Variants in ARSG observed in about 807,000 individuals in gnomAD.
The protein encoded by ARSG is ASG.
A neutral mutation model predicts 50.5 loss-of-function variants in ARSG; 37 were observed. The observed-to-expected ratio is 0.73, with a 90% CI of 0.56 to 0.96. The LOEUF (loss-of-function observed/expected upper bound fraction) is 0.96, where lower values mean the gene tolerates loss of function less well. Among genes scored for constraint, ARSG ranks in the 50% least tolerant of loss-of-function variants. The pLI, the probability that ARSG is intolerant of heterozygous loss-of-function variation, is 0.00. For missense variants in ARSG, 629 were observed against 675.3 expected, an observed-to-expected ratio of 0.93 and a Z score of 0.76; for synonymous variants, 225 against 254.6, an observed-to-expected ratio of 0.88 and a Z score of 1.11.
intron 2 of ARSG, among the ~76,000 whole-genome samples, chr17:68,311,940 A>G (rs2076874757): frequency 6.6e-6 from 1 of 151,556 alleles, no homozygotes; most frequent in Admixed American, 6.6e-5. Flanking sequence ...AGCTGGGATT[A>G]CAAGCATCTG....
intron 2 of ARSG, among the ~76,000 whole-genome samples, chr17:68,325,750 C>T (rs2077479744): frequency 6.6e-6 from 1 of 152,148 alleles, no homozygotes. Flanking sequence ...TCAAGGAAGC[C>T]CTTACCCTTC....
At chr17:68,342,749 A>AT (rs1351264144) in intron 2 of ARSG, among the ~76,000 whole-genome samples, 1 of 152,200 alleles carries the variant, frequency 6.6e-6, no homozygotes, top group East Asian at 1.9e-4. Flanking sequence ...TCTGGGGGCC[A>AT]TTTTCCACAG....
intron 9 of ARSG, among the ~76,000 whole-genome samples, chr17:68,392,151 C>T (rs1434460577): frequency 6.6e-6 from 1 of 152,248 alleles, no homozygotes; most frequent in African/African-American, 2.4e-5. Context: ...CTACCAGGGC[C>T]TCTTTCTTGG....
rs147768802 is a variant in ARSG, at chr17:68,373,509, G to A, written c.982+2985G>A. Among the ~76,000 whole-genome samples, 393 of 152,022 alleles carry A rather than the reference G, an allele frequency of 2.6e-3. 2 individuals are homozygous for A. Among genetic ancestry groups the A allele is most frequent in the African/African-American group, 9.0e-3 (375 of 41,484 alleles). Reference sequence around the variant, plus strand: ...CTTCCAAAGTGCTGGGATTACAGGCGTGAGCCACCATGCCTGGCCTACTTT... The same window carrying A: ...CTTCCAAAGTGCTGGGATTACAGGCATGAGCCACCATGCCTGGCCTACTTT... On this transcript the variant is annotated intron_variant, in intron 8 of 11. Coordinates refer to ENST00000621439, the MANE Select transcript of ARSG (RefSeq NM_001267727.2).
intron 11 of ARSG, among the ~76,000 whole-genome samples, chr17:68,415,621 T>G (rs1304320048): frequency 1.3e-5 from 2 of 152,212 alleles, no homozygotes; most frequent in African/African-American, 2.4e-5. Context: ...AGTGGAGTAT[T>G]GAAGTCCCCC....
chr17:68,405,057 G>A (rs1279706971), intron 11 of ARSG, among the ~76,000 whole-genome samples: 4 of 149,660 alleles, frequency 2.7e-5, no homozygotes, highest in Non-Finnish European at 5.9e-5. Flanking sequence ...GTTTATGCCA[G>A]TACCACACTG....
chr17:68,451,281 A>T, the ARSG span, among the ~76,000 whole-genome samples: 2 of 152,140 alleles, frequency 1.3e-5, no homozygotes, highest in African/African-American at 2.4e-5. Flanking sequence ...AAATATTTTA[A>T]AAATTAGCCA....
chr17:68,373,850 TG>T (rs900519708), intron 8 of ARSG, among the ~76,000 whole-genome samples: 3 of 151,758 alleles, frequency 2.0e-5, no homozygotes, highest in Non-Finnish European at 4.4e-5. Flanking sequence ...TGGAGGTGGA[TG>T]GGGGTGTGTC....
intron 1 of ARSG, among the ~76,000 whole-genome samples, chr17:68,299,110 T>C (rs1458422372): frequency 1.8e-4 from 26 of 146,482 alleles, no homozygotes; most frequent in Non-Finnish European, 3.0e-5. Context: ...CTTTTTTTTT[T>C]TTTTTTTTTT....
intron 9 of ARSG, among the ~76,000 whole-genome samples, chr17:68,394,771 C>A (rs2081158795): frequency 6.6e-6 from 1 of 152,112 alleles, no homozygotes; most frequent in African/African-American, 2.4e-5. Flanking sequence ...AATATCATAC[C>A]CATCTTAGAG....
At chr17:68,308,625 G>A (rs1018705920) in intron 2 of ARSG, among the ~76,000 whole-genome samples, 12 of 152,178 alleles carry the variant, frequency 7.9e-5, no homozygotes, top group Admixed American at 4.6e-4. Flanking sequence ...GGACCTGAGC[G>A]GGTTGCCACT....
intron 11 of ARSG, among the ~76,000 whole-genome samples, chr17:68,412,819 T>G (rs1226513825): frequency 6.6e-6 from 1 of 151,962 alleles, no homozygotes; most frequent in Non-Finnish European, 1.5e-5. Context: ...TTTGCTCATT[T>G]CTTTTTATTC....
chr17:68,417,733 A>ATTTTTTTTTATTT, intron 11 of ARSG, among the ~76,000 whole-genome samples: 1 of 60,788 alleles, frequency 1.6e-5, no homozygotes, highest in Admixed American at 3.1e-4. Flanking sequence ...GAGTTGCTGA[A>ATTTTTTTTTATTT]TTTTTTTTTT....
At chr17:68,401,524 C>A (rs1819200132) in intron 11 of ARSG, 74 bp downstream of exon 11, 1 of 1,384,216 alleles carries the variant, frequency 7.2e-7, no homozygotes. Context: ...CTCACCCAGG[C>A]CTCTGGGAAT....
chr17:68,447,606 G>GACTC, the ARSG span, among the ~76,000 whole-genome samples: 1 of 152,086 alleles, frequency 6.6e-6, no homozygotes, highest in African/African-American at 2.4e-5. Context: ...GCCCAAGCTG[G>GACTC]ACTCAAACTC....
chr17:68,264,977 A>C (rs1324231488), intron 1 of ARSG, among the ~76,000 whole-genome samples: 1 of 151,134 alleles, frequency 6.6e-6, no homozygotes, highest in Non-Finnish European at 1.5e-5. Flanking sequence ...AAGATGGCGA[A>C]ACCCTGTCTC....
rs1293706559 is a variant in ARSG, at chr17:68,399,582, A to C, written c.1213-1778A>C. Among the ~76,000 whole-genome samples, 1 of 152,184 alleles carries C rather than the reference A, an allele frequency of 6.6e-6. No homozygotes were observed. Among genetic ancestry groups the C allele is most frequent in the East Asian group, 1.9e-4 (1 of 5,192 alleles). On this transcript the variant is annotated intron_variant, in intron 10 of 11. Transcript: ENST00000621439. This position sits in a 1 kb window ranked among gnomAD's most constrained non-coding sequence, Gnocchi z 4.6. Reference sequence around the variant, plus strand: ...AAGCCATAATGGGTCTTCTCAAACAAACAAAAAAAATGCATAGACAAGTTC... The same window carrying C: ...AAGCCATAATGGGTCTTCTCAAACACACAAAAAAAATGCATAGACAAGTTC...
At chr17:68,366,754 G>A (rs2079567746) in intron 6 of ARSG, among the ~76,000 whole-genome samples, 1 of 151,654 alleles carries the variant, frequency 6.6e-6, no homozygotes, top group African/African-American at 2.4e-5. Flanking sequence ...ATCATAAAAT[G>A]TTACCATCTT....
At chr17:68,443,943 C>T in the ARSG span, among the ~76,000 whole-genome samples, 18 of 152,284 alleles carry the variant, frequency 1.2e-4, no homozygotes, top group African/African-American at 4.3e-4. Flanking sequence ...CAAACCATTC[C>T]TCTTCTTATA....
Sources: gnomAD v4.1 joint callset for allele counts (sites outside exome capture counted in the v4.1 genomes callset) on GRCh38, gnomAD v4.1.1 for gene constraint, Gnocchi (gnomAD v3.1) non-coding constraint, MANE v1.5 for transcripts, NCBI Gene and HGNC (gene_info 2026-07-23, HGNC 2026-07-21) for gene names.